The following CNTNAP2 variants were observed in gnomAD, a reference collection of about 807,000 sequenced individuals.
CNTNAP2 encodes contactin-associated protein-like 2.
A neutral mutation model predicts 155.2 loss-of-function variants in CNTNAP2; 98 were observed. That is an observed-to-expected ratio of 0.63 (90% CI 0.54 to 0.75). The LOEUF (loss-of-function observed/expected upper bound fraction) is 0.75, where lower values mean the gene tolerates loss of function less well. Ranked by LOEUF, CNTNAP2 falls within the 30% of genes least tolerant of loss-of-function variation. The pLI is 0.00. For synonymous variants in CNTNAP2, 651 were observed against 631.2 expected (o/e 1.03, Z -0.47); for missense variants, 1,727 against 1,688.1 (o/e 1.02, Z -0.40).
intron 3 of CNTNAP2, among the ~76,000 whole-genome samples, chr7:146,867,000 T>C (rs1177039895): frequency 1.3e-5 from 2 of 152,056 alleles, no homozygotes; most frequent in Non-Finnish European, 2.9e-5. Flanking sequence ...CCTAGAAGGA[T>C]ATATGGAAAT....
Position 147,399,382 on chromosome 7 carries a change from C to T in CNTNAP2, c.1670+3602C>T, listed in dbSNP as rs964579533. Among the ~76,000 whole-genome samples the T allele has an allele frequency of 2.2e-4, 34 of 152,106 alleles. 1 individual carries two copies. Among genetic ancestry groups the T allele is most frequent in the African/African-American group, 7.5e-4 (31 of 41,416 alleles). ...GCCATTATAATCCAGGTGAGAGACG[C>T]GTGTACCCTAGACCAGGGTGCTAGC... On this transcript the variant is annotated intron_variant, in intron 10 of 23. Coordinates refer to ENST00000361727, the MANE Select transcript of CNTNAP2 (RefSeq NM_014141.6).
intron 8 of CNTNAP2, among the ~76,000 whole-genome samples, chr7:147,264,971 A>G (rs1804574066): frequency 6.6e-6 from 1 of 152,038 alleles, no homozygotes; most frequent in South Asian, 2.1e-4. Flanking sequence ...GCCTTCTGCG[A>G]AGTTCAATAG....
chr7:148,380,404 T>A (rs1282502006), intron 21 of CNTNAP2, among the ~76,000 whole-genome samples: 1 of 152,220 alleles, frequency 6.6e-6, no homozygotes. Context: ...ATGATGCTAA[T>A]GAAGATTTGA....
intron 15 of CNTNAP2, among the ~76,000 whole-genome samples, chr7:148,057,950 CTTATTATTATTATTA>C (rs60012733): frequency 2.1e-5 from 3 of 142,748 alleles, no homozygotes; most frequent in Admixed American, 7.1e-5. Context: ...CAGCTTCCAG[CTTATTATTATTATTA>C]TTATTATTAT....
At chr7:146,862,834 T>C (rs1406751406) in intron 3 of CNTNAP2, among the ~76,000 whole-genome samples, 1 of 152,216 alleles carries the variant, frequency 6.6e-6, no homozygotes, top group Non-Finnish European at 1.5e-5. Context: ...TGGTACAGTG[T>C]TATAGCAGCC....
intron 8 of CNTNAP2, among the ~76,000 whole-genome samples, chr7:147,298,829 T>C (rs1161281169): frequency 6.6e-6 from 1 of 152,218 alleles, no homozygotes; most frequent in East Asian, 1.9e-4. Context: ...TTATTCTTCT[T>C]TTGATTTCTT....
intron 13 of CNTNAP2, among the ~76,000 whole-genome samples, chr7:147,824,448 A>G (rs1196431228): frequency 1.3e-5 from 2 of 152,140 alleles, no homozygotes; most frequent in African/African-American, 4.8e-5. Flanking sequence ...GGAAGTTCCA[A>G]ATACTACAGA....
intron 1 of CNTNAP2, among the ~76,000 whole-genome samples, chr7:146,591,890 C>A (rs1405833626): frequency 6.6e-6 from 1 of 152,148 alleles, no homozygotes; most frequent in East Asian, 1.9e-4. Context: ...ACTTAACCTG[C>A]CTCAAATTAA....
chr7:147,739,141 G>GT (rs78880175), intron 13 of CNTNAP2, among the ~76,000 whole-genome samples: 5,255 of 136,150 alleles, frequency 0.039, 153 homozygotes, highest in Admixed American at 0.11. Context: ...TCTCTCTGAA[G>GT]TTTTTTTTTT....
intron 1 of CNTNAP2, among the ~76,000 whole-genome samples, chr7:146,461,778 A>T (rs1281968378): frequency 6.6e-6 from 1 of 152,196 alleles, no homozygotes; most frequent in Non-Finnish European, 1.5e-5. Flanking sequence ...AAATACCCAC[A>T]CTAGACAGCA....
In CNTNAP2 at chr7:148,174,609, C is replaced by T. The variant is rs144517241; in HGVS notation, c.3010+2131C>T. Among the ~76,000 whole-genome samples the T allele has an allele frequency of 7.5e-3, 1,146 of 152,328 alleles. 8 individuals are homozygous for T. The highest frequency in any genetic ancestry group is 0.021 in the African/African-American group (870 of 41,572). ...GAATGAAGCAAGGCCCAACCTACCA[C>T]ACACAGCCGGACTACGTGTTTATAC... is the stretch of plus-strand genomic sequence containing the variant. On this transcript the variant is annotated intron_variant, in intron 18 of 23. Transcript: ENST00000361727.
intron 1 of CNTNAP2, among the ~76,000 whole-genome samples, chr7:146,169,526 T>C (rs1312204262): frequency 6.6e-6 from 1 of 152,180 alleles, no homozygotes; most frequent in East Asian, 1.9e-4. Flanking sequence ...TCTATTCTCT[T>C]AGCAAATTTC....
chr7:147,757,267 T>C (rs1797225038), intron 13 of CNTNAP2, among the ~76,000 whole-genome samples: 1 of 152,234 alleles, frequency 6.6e-6, no homozygotes, highest in Non-Finnish European at 1.5e-5. Flanking sequence ...TGACATTTTC[T>C]GAGAGATTGC....
intron 3 of CNTNAP2, among the ~76,000 whole-genome samples, chr7:146,842,641 C>T (rs1803751141): frequency 6.6e-6 from 1 of 152,072 alleles, no homozygotes; most frequent in African/African-American, 2.4e-5. Context: ...GCAGGCATGT[C>T]TTACATGCCG....
At chr7:146,269,630 G>T (rs959517239) in intron 1 of CNTNAP2, among the ~76,000 whole-genome samples, 7 of 152,168 alleles carry the variant, frequency 4.6e-5, no homozygotes, top group Non-Finnish European at 1.0e-4. Flanking sequence ...TACTGTTGAA[G>T]TCTTTGTGTT....
intron 2 of CNTNAP2, among the ~76,000 whole-genome samples, chr7:146,789,435 T>A (rs35334504): frequency 0.07 from 10,683 of 152,230 alleles, 498 homozygotes; most frequent in Middle Eastern, 0.12. Flanking sequence ...GCATGTTTTT[T>A]AATCTGTTTT....
At chr7:147,161,435 TTATAAC>T (rs1715640580) in intron 8 of CNTNAP2, among the ~76,000 whole-genome samples, 1 of 152,188 alleles carries the variant, frequency 6.6e-6, no homozygotes, top group East Asian at 1.9e-4. Flanking sequence ...ATGTATCTGT[TTATAAC>T]TATATACTTG....
At chr7:147,875,145 T>C (rs1799401169) in intron 13 of CNTNAP2, among the ~76,000 whole-genome samples, 1 of 152,196 alleles carries the variant, frequency 6.6e-6, no homozygotes, top group Non-Finnish European at 1.5e-5. Flanking sequence ...CATTTTTAGG[T>C]ATCTTTATAT....
At chr7:147,676,544 G>A (rs1795872261) in intron 13 of CNTNAP2, among the ~76,000 whole-genome samples, 1 of 151,732 alleles carries the variant, frequency 6.6e-6, no homozygotes, top group Non-Finnish European at 1.5e-5. Flanking sequence ...TCTTAGCATT[G>A]TTTAAGAATA....
Sources: allele counts gnomAD v4.1 joint callset (sites outside exome capture counted in the v4.1 genomes callset), GRCh38; gene constraint gnomAD v4.1.1; transcripts MANE v1.5; gene names NCBI Gene and HGNC (gene_info 2026-07-23, HGNC 2026-07-21).